MSH3: variants seen among roughly 807,000 people sequenced by gnomAD.
MSH3 encodes DNA mismatch repair protein Msh3.
Under a neutral mutation model 123.3 loss-of-function variants are expected in MSH3, and 106 were observed. That is an observed-to-expected ratio of 0.86 (90% CI 0.73 to 1.01). The LOEUF (loss-of-function observed/expected upper bound fraction) is 1.01. Among genes scored for constraint, MSH3 ranks in the 50% least tolerant of loss-of-function variants. The probability of loss-of-function intolerance (pLI) is 0.00; values close to 1 mark genes in which losing one functional copy is unlikely to be tolerated. For missense variants in MSH3, 1,459 were observed against 1,347.6 expected (o/e 1.08, Z -1.29); for synonymous variants, 515 against 481.4 (o/e 1.07, Z -0.91).
At chr5:80,726,597 G>A (rs967761416) in intron 9 of MSH3, among the ~76,000 whole-genome samples, 4 of 152,132 alleles carry the variant, frequency 2.6e-5, no homozygotes, top group African/African-American at 7.2e-5. Context: ...CTCCCAAGTA[G>A]CTGAGACTAC....
At chr5:80,874,467 A>G (rs948658773) in intron 23 of MSH3, among the ~76,000 whole-genome samples, 4 of 152,210 alleles carry the variant, frequency 2.6e-5, no homozygotes, top group African/African-American at 9.6e-5. Flanking sequence ...TATTTCTGTT[A>G]CAAGCCAGAT....
In MSH3 at chr5:80,757,650, A is replaced by G. The variant is rs1244802728; in HGVS notation, c.1764-3896A>G. ...TTCTTTCAGTTAATTTAAGTTGTAT[A>G]GTAAGATCAACCGTAGAATACTATC... On this transcript the variant is annotated intron_variant, in intron 12 of 23. Transcript: ENST00000265081. Among the ~76,000 whole-genome samples the G allele has an allele frequency of 3.9e-5, 6 of 152,286 alleles. No individual in the cohort carries two copies. In the East Asian group the frequency reaches 1.2e-3, roughly 29 times the overall value.
rs1454302352 is a variant in MSH3, at chr5:80,830,360, G to A, written c.2813+16619G>A. On this transcript the variant is annotated intron_variant, in intron 20 of 23. Transcript: ENST00000265081. ...GTGACTCTGATGCACAAATTTAGGA[G>A]CCATTGTTTGCATTTTAATTTCTAA... 4.6e-5 allele frequency among the ~76,000 whole-genome samples: 7 copies of A among 152,126 alleles called. No homozygotes were observed. In the East Asian group the frequency reaches 1.2e-3, roughly 25 times the overall value.
intron 10 of MSH3, among the ~76,000 whole-genome samples, chr5:80,736,183 G>A (rs245009): frequency 0.23 from 34,440 of 151,868 alleles, 4,088 homozygotes; most frequent in Non-Finnish European, 0.27. Context: ...CCGAGATCGC[G>A]CCATTGCACT....
intron 13 of MSH3, among the ~76,000 whole-genome samples, chr5:80,765,626 C>T (rs1298114940): frequency 6.6e-6 from 1 of 152,162 alleles, no homozygotes; most frequent in Non-Finnish European, 1.5e-5. Flanking sequence ...TTTCAGCCAA[C>T]ATTTTGTCAG....
intron 16 of MSH3, among the ~76,000 whole-genome samples, chr5:80,776,136 C>A (rs760795875): frequency 6.6e-6 from 1 of 152,116 alleles, no homozygotes; most frequent in African/African-American, 2.4e-5. Context: ...GTGATTCACC[C>A]ACTTCAGCCT....
chr5:80,846,289 G>A (rs902250085), intron 20 of MSH3, among the ~76,000 whole-genome samples: 1 of 151,956 alleles, frequency 6.6e-6, no homozygotes, highest in Non-Finnish European at 1.5e-5. Context: ...CATCCCAGAG[G>A]GGCACCCGCC....
Position 80,672,360 on chromosome 5 carries a change from G to A in MSH3, c.909G>A (p.Lys303=), listed in dbSNP as rs757164724. ...HVRRLVAKGY[K]VGVVKQTETA... ...GCCGCCTGGTGGCAAAAGGATATAAGGTCAGCTTTGGCTTTAACTTGTGGG... is the reference window on the plus strand; with the variant it reads ...GCCGCCTGGTGGCAAAAGGATATAAAGTCAGCTTTGGCTTTAACTTGTGGG... The change falls in exon 5 of 24, where the codon AAG becomes AAA. Residue 303 remains lysine, a splice_region_variant and synonymous_variant. Transcript: ENST00000265081. 1.9e-6 allele frequency: 3 copies of A among 1,604,516 alleles called. No individual in the cohort carries two copies. The highest frequency in any genetic ancestry group is 2.2e-5 in the South Asian group (2 of 90,884).
intron 22 of MSH3, among the ~76,000 whole-genome samples, chr5:80,871,657 T>G (rs1746217015): frequency 6.6e-6 from 1 of 152,146 alleles, no homozygotes; most frequent in Non-Finnish European, 1.5e-5. Context: ...GCCCACAACA[T>G]GGCGGCTGGC....
chr5:80,809,133 T>C (rs2112047904), intron 19 of MSH3, among the ~76,000 whole-genome samples: 1 of 151,974 alleles, frequency 6.6e-6, no homozygotes, highest in African/African-American at 2.4e-5. Context: ...ATAGCATTTA[T>C]AGTTTCAAAG....
intron 12 of MSH3, among the ~76,000 whole-genome samples, chr5:80,755,278 T>C (rs1202365144): frequency 6.6e-6 from 1 of 151,658 alleles, no homozygotes; most frequent in Non-Finnish European, 1.5e-5. Flanking sequence ...CCAGGAACTT[T>C]TAGCTGGCCT....
intron 23 of MSH3, among the ~76,000 whole-genome samples, chr5:80,874,039 G>C (rs947146052): frequency 6.6e-6 from 1 of 152,094 alleles, no homozygotes; most frequent in African/African-American, 2.4e-5. Context: ...GGGTACATTA[G>C]TACCCTGGTT....
chr5:80,862,516 G>C (rs1580097020), intron 21 of MSH3, among the ~76,000 whole-genome samples: 1 of 152,144 alleles, frequency 6.6e-6, no homozygotes, highest in African/African-American at 2.4e-5. Context: ...CCAGCACTTT[G>C]GGAGGCCAAA....
At position 80,660,001 on chromosome 5, in the gene MSH3, C is replaced by A. The variant is rs117843871; in HGVS notation, c.358+3470C>A. ...TTATACTCACAAGCAAACTTAGATA[C>A]ATTTGAAAAGCCAGTTAAGTACGTA... On this transcript the variant is annotated intron_variant, in intron 2 of 23. Coordinates refer to ENST00000265081, the MANE Select transcript of MSH3 (RefSeq NM_002439.5). Among the ~76,000 whole-genome samples the A allele has an allele frequency of 2.1e-3, 322 of 151,358 alleles. 7 individuals carry two copies. The East Asian group carries it at 0.054, about 25-fold the overall frequency.
chr5:80,798,838 A>G (rs1376895804), intron 19 of MSH3, among the ~76,000 whole-genome samples: 2 of 152,114 alleles, frequency 1.3e-5, no homozygotes, highest in African/African-American at 4.8e-5. Flanking sequence ...ACCTGTCTGC[A>G]TTGATTGGAC....
At chr5:80,702,565 G>A (rs907745241) in intron 8 of MSH3, among the ~76,000 whole-genome samples, 1 of 152,204 alleles carries the variant, frequency 6.6e-6, no homozygotes. Flanking sequence ...AGTAGCTACT[G>A]TATAAGGCAA....
chr5:80,864,407 A>G (rs1318491061), intron 21 of MSH3, among the ~76,000 whole-genome samples: 3 of 152,230 alleles, frequency 2.0e-5, no homozygotes, highest in African/African-American at 7.2e-5. Flanking sequence ...AAAGAGACAA[A>G]AAGAAACATT....
Position 80,775,681 on chromosome 5 carries a change from G to T in MSH3, c.2254-13G>T, listed in dbSNP as rs749681815. 16 of 1,389,606 alleles carry T rather than the reference G, an allele frequency of 1.2e-5. No homozygotes were observed. The highest frequency in any genetic ancestry group is 1.4e-5 in the Non-Finnish European group (14 of 977,956). The allele number at this position is 1,389,606 out of a possible 1,614,324, so 86.1% of individuals were successfully genotyped here. A position where few individuals can be genotyped will look rare whatever the true frequency, so the allele number is the denominator to read the frequency against. Reference sequence around the variant, plus strand: ...TACTTATCTAAATCTCTGTTTATTTGTATTTGTTTTAGTTTATGATAGAAA... The same window carrying T: ...TACTTATCTAAATCTCTGTTTATTTTTATTTGTTTTAGTTTATGATAGAAA... On this transcript the variant is annotated splice_polypyrimidine_tract_variant and intron_variant, in intron 15 of 23. Transcript: ENST00000265081.
intron 10 of MSH3, among the ~76,000 whole-genome samples, chr5:80,729,476 A>ATG (rs1743372423): frequency 6.8e-6 from 1 of 147,086 alleles, no homozygotes; most frequent in Non-Finnish European, 1.5e-5. Flanking sequence ...ATATATATAT[A>ATG]TATAAAGAAT....
Sources: allele counts gnomAD v4.1 joint callset (sites outside exome capture counted in the v4.1 genomes callset), GRCh38; gene constraint gnomAD v4.1.1; transcripts MANE v1.5; gene names NCBI Gene and HGNC (gene_info 2026-07-23, HGNC 2026-07-21).